PINX1: variants seen among roughly 807,000 people sequenced by gnomAD.
PINX1 encodes PIN2 (TERF1) interacting telomerase inhibitor 1.
Under a neutral mutation model 25.4 loss-of-function variants are expected in PINX1, and 34 were observed. The ratio of observed to expected loss-of-function variants is 1.34; its 90% CI spans 1.02 to 1.78. The LOEUF (loss-of-function observed/expected upper bound fraction) is 1.78, where lower values mean the gene tolerates loss of function less well. PINX1 is among the 40% of genes most tolerant of loss of function. The pLI is 0.00. For synonymous variants in PINX1, 197 were observed against 147.7 expected (o/e 1.33, Z -2.42); for missense variants, 592 against 404.9 (o/e 1.46, Z -3.97).
chr8:10,803,327 A>T (rs1802328969), intron 6 of PINX1, among the ~76,000 whole-genome samples: 1 of 152,188 alleles, frequency 6.6e-6, no homozygotes. Flanking sequence ...AATCAAACAG[A>T]CAATAATTTC....
At chr8:10,774,725 CGTCT>C (rs1801335177) in intron 6 of PINX1, among the ~76,000 whole-genome samples, 1 of 152,142 alleles carries the variant, frequency 6.6e-6, no homozygotes, top group African/African-American at 2.4e-5. Flanking sequence ...AAAAAAGTCT[CGTCT>C]TTCAATTCTT....
chr8:10,789,142 G>C (rs575686110), intron 6 of PINX1, among the ~76,000 whole-genome samples: 1 of 152,286 alleles, frequency 6.6e-6, no homozygotes, highest in African/African-American at 2.4e-5. Flanking sequence ...ACAGAACATG[G>C]AGCAGGAATA....
intron 5 of PINX1, among the ~76,000 whole-genome samples, chr8:10,824,452 G>C (rs963358021): frequency 2.6e-5 from 4 of 152,122 alleles, no homozygotes; most frequent in African/African-American, 9.7e-5. Context: ...ATAGATCCGA[G>C]AATCCTTCTG....
At chr8:10,827,542 C>T (rs1025951233) in intron 4 of PINX1, among the ~76,000 whole-genome samples, 3 of 151,922 alleles carry the variant, frequency 2.0e-5, no homozygotes, top group Non-Finnish European at 2.9e-5. Context: ...GCCACAGAAA[C>T]GATCATAGGC....
intron 6 of PINX1, among the ~76,000 whole-genome samples, chr8:10,789,024 T>A (rs1801839387): frequency 6.6e-6 from 1 of 151,974 alleles, no homozygotes; most frequent in African/African-American, 2.4e-5. Context: ...GCAGAGCCCT[T>A]TGTGGGAGCG....
chr8:10,770,020 A>C (rs1295678004), intron 6 of PINX1, among the ~76,000 whole-genome samples: 1 of 152,280 alleles, frequency 6.6e-6, no homozygotes, highest in East Asian at 1.9e-4. Flanking sequence ...ATTCATATAA[A>C]TAAAAAACAG....
chr8:10,829,611 A>C (rs4841452), intron 4 of PINX1, among the ~76,000 whole-genome samples: 4 of 151,954 alleles, frequency 2.6e-5, no homozygotes, highest in African/African-American at 9.7e-5. Context: ...CAGGCAGTCT[A>C]ACTCTGGTGT....
intron 6 of PINX1, among the ~76,000 whole-genome samples, chr8:10,816,846 C>G (rs1424683972): frequency 2.6e-5 from 4 of 152,136 alleles, no homozygotes; most frequent in Non-Finnish European, 4.4e-5. Context: ...GATTTAAAAG[C>G]CCACGTGTGC....
intron 6 of PINX1, among the ~76,000 whole-genome samples, chr8:10,801,807 G>A (rs1299329699): frequency 6.6e-6 from 1 of 152,186 alleles, no homozygotes; most frequent in Non-Finnish European, 1.5e-5. Flanking sequence ...AATATCTCAA[G>A]AATCCAGACT....
chr8:10,837,927 TAAAG>T (rs1798452376), intron 1 of PINX1, among the ~76,000 whole-genome samples: 1 of 152,182 alleles, frequency 6.6e-6, no homozygotes, highest in South Asian at 2.1e-4. Flanking sequence ...CGTTAGAACT[TAAAG>T]GAAGCGAAAG....
intron 3 of PINX1, among the ~76,000 whole-genome samples, chr8:10,832,301 G>A (rs554296819): frequency 3.3e-5 from 5 of 152,224 alleles, no homozygotes; most frequent in African/African-American, 1.2e-4. Flanking sequence ...AATGAACCTG[G>A]CTTTTATAAG....
chr8:10,798,711 A>G (rs527486248), intron 6 of PINX1, among the ~76,000 whole-genome samples: 1 of 152,350 alleles, frequency 6.6e-6, no homozygotes, highest in Admixed American at 6.5e-5. Context: ...CACCTTTTCT[A>G]AATTCAGAAA....
intron 6 of PINX1, among the ~76,000 whole-genome samples, chr8:10,783,148 C>G (rs1801645399): frequency 6.6e-6 from 1 of 152,082 alleles, no homozygotes; most frequent in African/African-American, 2.4e-5. Flanking sequence ...GTAAAGAAAA[C>G]TGAAATTTAT....
chr8:10,778,936 A>AT (rs1801497496), intron 6 of PINX1, among the ~76,000 whole-genome samples: 1 of 152,202 alleles, frequency 6.6e-6, no homozygotes. Flanking sequence ...AGGGCCTGGC[A>AT]AGCATCCCAC....
chr8:10,786,496 C>T (rs888218292), intron 6 of PINX1, among the ~76,000 whole-genome samples: 7 of 152,116 alleles, frequency 4.6e-5, no homozygotes, highest in East Asian at 1.9e-4. Flanking sequence ...AGAAAAAGTC[C>T]CAAGTCTCAG....
intron 6 of PINX1, among the ~76,000 whole-genome samples, chr8:10,791,131 C>T (rs1482251457): frequency 2.0e-5 from 3 of 152,148 alleles, no homozygotes; most frequent in Non-Finnish European, 2.9e-5. Flanking sequence ...CCAGTCTGGT[C>T]TTGAATTCCT....
At chr8:10,814,771 G>A (rs1210939513) in intron 6 of PINX1, among the ~76,000 whole-genome samples, 1 of 152,158 alleles carries the variant, frequency 6.6e-6, no homozygotes, top group Non-Finnish European at 1.5e-5. Flanking sequence ...AAAAAGAGAA[G>A]AATGATGAGG....
chr8:10,772,582 G>A (rs534431799), intron 6 of PINX1, among the ~76,000 whole-genome samples: 2 of 152,178 alleles, frequency 1.3e-5, no homozygotes, highest in Admixed American at 6.5e-5. Context: ...TCTGGAATTA[G>A]GCTAAACGCA....
At chr8:10,821,662 T>C (rs2898244) in intron 5 of PINX1, among the ~76,000 whole-genome samples, 14,422 of 152,256 alleles carry the variant, frequency 0.095, 1,007 homozygotes, top group African/African-American at 0.2. Context: ...ATCGGAGGTG[T>C]AGAGATGTCC....
Sources: gnomAD v4.1 joint callset for allele counts (sites outside exome capture counted in the v4.1 genomes callset) on GRCh38, gnomAD v4.1.1 for gene constraint, MANE v1.5 for transcripts, NCBI Gene and HGNC (gene_info 2026-07-23, HGNC 2026-07-21) for gene names.